The following MYO5B variants were observed in gnomAD, a reference collection of about 807,000 sequenced individuals.
MYO5B encodes unconventional myosin-Vb.
In MYO5B, 143 loss-of-function variants were observed where a neutral mutation model predicts 229.3. That is an observed-to-expected ratio of 0.62 (90% CI 0.54 to 0.72). The LOEUF is 0.72. Among genes scored for constraint, MYO5B ranks in the 30% least tolerant of loss-of-function variants. The pLI is 0.00. For synonymous variants in MYO5B, 918 were observed against 885.2 expected (o/e 1.04, Z -0.66); for missense variants, 2,321 against 2,331.0 (o/e 1.00, Z 0.09).
intron 1 of MYO5B, among the ~76,000 whole-genome samples, chr18:50,070,674 C>T (rs1267875663): frequency 6.6e-6 from 1 of 152,084 alleles, no homozygotes; most frequent in Admixed American, 6.5e-5. Context: ...TGCACGATAC[C>T]ATTCCCCTGC....
At chr18:49,954,910 G>T (rs1400507930) in intron 12 of MYO5B, among the ~76,000 whole-genome samples, 1 of 152,184 alleles carries the variant, frequency 6.6e-6, no homozygotes. Context: ...CATTGTCCAG[G>T]TTTGGCTCAA....
chr18:50,001,093 C>T (rs934433644), intron 5 of MYO5B, among the ~76,000 whole-genome samples, 162 bp downstream of exon 5: 1 of 152,222 alleles, frequency 6.6e-6, no homozygotes, highest in Non-Finnish European at 1.5e-5. Flanking sequence ...ACCAGGTCAA[C>T]ATCCATGGTT....
At chr18:49,883,452 G>A (rs965634971) in intron 22 of MYO5B, among the ~76,000 whole-genome samples, 8 of 151,974 alleles carry the variant, frequency 5.3e-5, no homozygotes, top group South Asian at 2.1e-4. Flanking sequence ...ATTCATACTC[G>A]GTAAATGAAA....
intron 34 of MYO5B, 108 bp downstream of exon 34, chr18:49,843,133 G>T: frequency 7.1e-7 from 1 of 1,405,834 alleles, no homozygotes; most frequent in Non-Finnish European, 1.0e-6. Flanking sequence ...CAAAGTTGGA[G>T]CCCTAGGAGC....
In MYO5B at chr18:50,038,739, T is replaced by G. The variant is rs76591923; in HGVS notation, c.310+1404A>C. Among the ~76,000 whole-genome samples the G allele has an allele frequency of 8.5e-5, 13 of 152,322 alleles. No individual in the cohort carries two copies. In the East Asian group the frequency reaches 2.3e-3, roughly 27 times the overall value. On this transcript the variant is annotated intron_variant, in intron 3 of 39. Coordinates refer to ENST00000285039, the MANE Select transcript of MYO5B (RefSeq NM_001080467.3). Reference sequence around the variant, plus strand: ...GAGTCAAGATGCATTTGGATAAATATGTACAGACACTGGGACATCTTAGAG... The same window carrying G: ...GAGTCAAGATGCATTTGGATAAATAGGTACAGACACTGGGACATCTTAGAG...
At chr18:50,188,810 A>ACC (rs2033188130) in intron 1 of MYO5B, among the ~76,000 whole-genome samples, 2 of 144,448 alleles carry the variant, frequency 1.4e-5, no homozygotes, top group Admixed American at 7.0e-5. Context: ...AAAAAAAAAA[A>ACC]AAAAAAACAC....
intron 1 of MYO5B, among the ~76,000 whole-genome samples, chr18:50,061,828 C>A (rs2030693973): frequency 6.6e-6 from 1 of 152,216 alleles, no homozygotes; most frequent in South Asian, 2.1e-4. Context: ...TTGAAACCTG[C>A]ACTCCCTGGA....
chr18:50,049,279 T>G (rs1002821945), intron 2 of MYO5B, among the ~76,000 whole-genome samples: 1 of 152,168 alleles, frequency 6.6e-6, no homozygotes, highest in African/African-American at 2.4e-5. Flanking sequence ...AATTGCTCAA[T>G]AATAATTTTT....
At chr18:50,037,834 G>C (rs1374099312) in intron 3 of MYO5B, among the ~76,000 whole-genome samples, 1 of 152,150 alleles carries the variant, frequency 6.6e-6, no homozygotes, top group Non-Finnish European at 1.5e-5. Flanking sequence ...CAAGGCTGCA[G>C]TGAGCTATGA....
At chr18:49,871,761 C>T (rs914056255) in intron 27 of MYO5B, 13 of 298,938 alleles carry the variant, frequency 4.3e-5, no homozygotes, top group Middle Eastern at 1.2e-3. Flanking sequence ...TGGGCCTGTT[C>T]GGAAGCCCCT....
intron 4 of MYO5B, among the ~76,000 whole-genome samples, chr18:50,027,041 G>C (rs2144367013): frequency 6.6e-6 from 1 of 152,250 alleles, no homozygotes; most frequent in East Asian, 1.9e-4. Flanking sequence ...GTTTTCAGCT[G>C]CTCTGTCTTC....
At chr18:50,007,386 AT>A (rs2026113351) in intron 4 of MYO5B, among the ~76,000 whole-genome samples, 1 of 152,018 alleles carries the variant, frequency 6.6e-6, no homozygotes, top group African/African-American at 2.4e-5. Flanking sequence ...CACCATCATC[AT>A]CTCTGGCATA....
chr18:50,047,123 A>G (rs550750275), intron 2 of MYO5B, among the ~76,000 whole-genome samples: 237 of 152,368 alleles, frequency 1.6e-3, no homozygotes, highest in Non-Finnish European at 2.6e-3. Flanking sequence ...TCTGCACAGC[A>G]AAAGAAACTA....
chr18:50,180,133 C>G (rs2033052032), intron 1 of MYO5B, among the ~76,000 whole-genome samples: 1 of 152,152 alleles, frequency 6.6e-6, no homozygotes, highest in Admixed American at 6.5e-5. Flanking sequence ...AATGCTGGTG[C>G]TTTGTTAGGT....
chr18:50,074,351 A>G (rs570597018), intron 1 of MYO5B, among the ~76,000 whole-genome samples: 7 of 152,316 alleles, frequency 4.6e-5, no homozygotes, highest in African/African-American at 1.7e-4. Flanking sequence ...GTGAGGACAC[A>G]GCCAAACCTA....
At position 49,992,441 on chromosome 18, in the gene MYO5B, C is replaced by A; in HGVS notation, c.613-10G>T. 6.2e-7 allele frequency: 1 copy of A among 1,613,944 alleles called. No individual in the cohort carries two copies. The highest frequency in any genetic ancestry group is 8.5e-7 in the Non-Finnish European group (1 of 1,179,970). On this transcript the variant is annotated splice_polypyrimidine_tract_variant and intron_variant, in intron 5 of 39. Transcript: ENST00000285039. ...TGGCATTTCCAATGGCCTGCACAGA[C>A]CAGACAGACAAAGGTATGAAAAAAA...
At chr18:50,124,434 A>T (rs1461936692) in intron 1 of MYO5B, among the ~76,000 whole-genome samples, 2 of 152,166 alleles carry the variant, frequency 1.3e-5, no homozygotes, top group Non-Finnish European at 2.9e-5. Context: ...GGGTAGCGGC[A>T]TTCCTATTAT....
chr18:49,852,561 G>C (rs1226602734), intron 31 of MYO5B, among the ~76,000 whole-genome samples: 1 of 152,094 alleles, frequency 6.6e-6, no homozygotes, highest in Non-Finnish European at 1.5e-5. Flanking sequence ...AAAGTGAAAT[G>C]ACAGCCATGG....
intron 38 of MYO5B, 86 bp from the exon 39 acceptor site, chr18:49,835,510 C>T (rs2023977063): frequency 1.2e-6 from 1 of 856,848 alleles, no homozygotes; most frequent in East Asian, 2.4e-5. Flanking sequence ...GACATTGGTA[C>T]AAGAGTATGA....
Sources: gnomAD v4.1 joint callset for allele counts (sites outside exome capture counted in the v4.1 genomes callset) on GRCh38, gnomAD v4.1.1 for gene constraint, MANE v1.5 for transcripts, NCBI Gene and HGNC (gene_info 2026-07-23, HGNC 2026-07-21) for gene names.